Variants in RAET1G observed in about 807,000 individuals in gnomAD.
RAET1G encodes the protein UL-16 binding protein 5.
A neutral mutation model predicts 29.5 loss-of-function variants in RAET1G; 25 were observed. The observed-to-expected ratio is 0.85, with a 90% CI of 0.62 to 1.18. The LOEUF is 1.18. RAET1G is among the 50% of genes most tolerant of loss of function. The pLI, the probability that RAET1G is intolerant of heterozygous loss-of-function variation, is 0.00. For missense variants in RAET1G, 434 were observed against 423.6 expected, an observed-to-expected ratio of 1.02 and a Z score of -0.22; for synonymous variants, 167 against 159.5, an observed-to-expected ratio of 1.05 and a Z score of -0.36.
chr6:149,917,398 C>T (rs575446594), intron 4 of RAET1G, among the ~76,000 whole-genome samples: 2 of 152,194 alleles, frequency 1.3e-5, no homozygotes, highest in East Asian at 1.9e-4. Context: ...CAGGCACTGG[C>T]GCTACTGCTA....
Position 149,920,639 on chromosome 6 carries a change from A to C in RAET1G, c.86-823T>G, listed in dbSNP as rs1157716366. ...GATGCTCTTCCTGAAATGGGCTCCC[A>C]GTAGTAATGGGATGAAAAATCCCGA... On this transcript the variant is annotated intron_variant, in intron 1 of 4. Transcript: ENST00000367360. Among the ~76,000 whole-genome samples, 5 of 152,348 alleles carry C rather than the reference A, an allele frequency of 3.3e-5. No individual in the cohort carries two copies. The South Asian group carries it at 1.0e-3, about 32-fold the overall frequency.
Position 149,919,034 on chromosome 6 carries a change from T to C in RAET1G, c.631+9A>G. The C allele has an allele frequency of 1.2e-6, 2 of 1,612,990 alleles. No individual in the cohort carries two copies. Among genetic ancestry groups the C allele is most frequent in the Non-Finnish European group, 1.7e-6 (2 of 1,179,488 alleles). ...CATTGGAGATCCCCATTTCTTTTTC[T>C]CCTGTTACCTCCTGCACTTGGCTCC... On this transcript the variant is annotated intron_variant, in intron 3 of 4. Coordinates refer to ENST00000367360, the MANE Select transcript of RAET1G (RefSeq NM_001001788.4).
At chr6:149,920,971 G>A (rs958002075) in intron 1 of RAET1G, among the ~76,000 whole-genome samples, 19 of 152,332 alleles carry the variant, frequency 1.2e-4, no homozygotes, top group African/African-American at 4.3e-4. Flanking sequence ...TTCTCAGACC[G>A]TGAACCCATG....
intron 1 of RAET1G, among the ~76,000 whole-genome samples, chr6:149,920,083 G>C (rs1254148330): frequency 6.6e-6 from 1 of 152,194 alleles, no homozygotes; most frequent in East Asian, 1.9e-4. Flanking sequence ...GGTCAACACA[G>C]GACCTTGCTA....
At position 149,921,808 on chromosome 6, in the gene RAET1G, C is replaced by T. The variant is rs1282665553; in HGVS notation, c.85+1118G>A. On this transcript the variant is annotated intron_variant, in intron 1 of 4. Coordinates refer to ENST00000367360, the MANE Select transcript of RAET1G (RefSeq NM_001001788.4). ...TCTACTCTCCAACTGACACCTGAGACACCACTTGGAGATGACACCATAGGG... is the reference window on the plus strand; with the variant it reads ...TCTACTCTCCAACTGACACCTGAGATACCACTTGGAGATGACACCATAGGG... Among the ~76,000 whole-genome samples, 3 of 152,174 alleles carry T rather than the reference C, an allele frequency of 2.0e-5. No individual in the cohort carries two copies. The East Asian group carries it at 5.8e-4, about 29-fold the overall frequency.
chr6:149,923,111 T>G lies in RAET1G; in HGVS notation c.-101A>C. ...AATGCAGCCCGTCTGAATGCAGCCCTAAACTCCAGTAAGCCCTAAACTCTA... is the reference window on the plus strand; with the variant it reads ...AATGCAGCCCGTCTGAATGCAGCCCGAAACTCCAGTAAGCCCTAAACTCTA... On this transcript the variant is annotated 5_prime_UTR_variant, in exon 1 of 5. Coordinates refer to ENST00000367360, the MANE Select transcript of RAET1G (RefSeq NM_001001788.4). 4.0e-6 allele frequency: 3 copies of G among 754,458 alleles called. No homozygotes were observed. In the South Asian group the frequency reaches 5.2e-5, roughly 13 times the overall value. The allele number at this position is 754,458 out of a possible 1,614,324, so 46.7% of individuals were successfully genotyped here. A position where few individuals can be genotyped will look rare whatever the true frequency, so the allele number is the denominator to read the frequency against.
At chr6:149,917,932 C>T (rs1270681750) in intron 4 of RAET1G, among the ~76,000 whole-genome samples, 2 of 152,216 alleles carry the variant, frequency 1.3e-5, no homozygotes, top group Non-Finnish European at 2.9e-5. Context: ...CTCAACAGAC[C>T]CTGAGCCTTG....
chr6:149,918,837 G>T (rs1778518855), intron 3 of RAET1G: 7 of 748,724 alleles, frequency 9.3e-6, no homozygotes, highest in Non-Finnish European at 1.5e-5. Context: ...AGCAAGTGCA[G>T]TGAGGAAGAG....
chr6:149,919,310 G>A lies in RAET1G; in HGVS notation c.364C>T (p.Gln122Ter). The A allele has an allele frequency of 6.2e-7, 1 of 1,613,876 alleles. No individual in the cohort carries two copies. The highest frequency in any genetic ancestry group is 2.2e-5 in the East Asian group (1 of 44,870). Reference protein sequence around the residue: ...NYIPKEPLTLQARMSCEQKAE... With the variant: ...NYIPKEPLTL ...TTCTGCTCACAAGACATCCTGGCCT[G>A]CAGGGTGAGGGGTTCTGCCCCCATC... Residue 122 changes from glutamine (Q) to a stop codon, truncating the protein, a stop_gained, in exon 3 of 5, where the codon CAG becomes TAG. Transcript: ENST00000367360. LOFTEE classifies it high-confidence loss of function.
At chr6:149,918,532 T>A in intron 3 of RAET1G, 148 bp from the exon 4 acceptor site, 1 of 960,416 alleles carries the variant, frequency 1.0e-6, no homozygotes, top group Non-Finnish European at 1.6e-6. Flanking sequence ...GTTCCTGGGG[T>A]AGGAAGGGAG....
At position 149,918,363 on chromosome 6, in the gene RAET1G, C is replaced by T; in HGVS notation, c.653G>A (p.Gly218Asp). 1 of 1,614,058 alleles carries T rather than the reference C, an allele frequency of 6.2e-7. No individual in the cohort carries two copies. Among genetic ancestry groups the T allele is most frequent in the Non-Finnish European group, 8.5e-7 (1 of 1,179,984 alleles). The part of the protein sequence containing the change: ...SAGAPPTMSS[G>D]TAQPRATATT... ...GGCCGTGGCCCTGGGTTGGGCTGTG[C>T]CTGAGGACATGGTGGGTGGTGCTGA... Residue 218 changes from glycine (G) to aspartate (D), a missense_variant, in exon 4 of 5, where the codon GGC becomes GAC. Coordinates refer to ENST00000367360, the MANE Select transcript of RAET1G (RefSeq NM_001001788.4).
chr6:149,920,322 CTA>C (rs1778570356), intron 1 of RAET1G, among the ~76,000 whole-genome samples: 1 of 152,182 alleles, frequency 6.6e-6, no homozygotes, highest in Non-Finnish European at 1.5e-5. Flanking sequence ...TGCTCATCTA[CTA>C]TGAGGATGCC....
chr6:149,918,687 G>A (rs1778513790), intron 3 of RAET1G: 1 of 589,582 alleles, frequency 1.7e-6, no homozygotes, highest in Non-Finnish European at 3.0e-6. Context: ...CCTTGGAGGA[G>A]GTTTTGATGG....
intron 2 of RAET1G, 90 bp from the exon 3 acceptor site, chr6:149,919,414 C>T: frequency 6.3e-7 from 1 of 1,599,274 alleles, no homozygotes; most frequent in Non-Finnish European, 8.5e-7. Context: ...CTTACTTGCT[C>T]TGCCACATCC....
At chr6:149,917,197 A>G in intron 4 of RAET1G, 123 bp from the exon 5 acceptor site, 4 of 1,323,644 alleles carry the variant, frequency 3.0e-6, no homozygotes, top group Middle Eastern at 2.8e-4. Flanking sequence ...ACAGGGCGGA[A>G]CATGAAAGTG....
At chr6:149,922,901 G>T in intron 1 of RAET1G, 25 bp downstream of exon 1, 1 of 1,553,950 alleles carries the variant, frequency 6.4e-7, no homozygotes, top group Non-Finnish European at 8.7e-7. Flanking sequence ...CCTCCGCCCC[G>T]CTTAGGCTCC....
rs184094400 is a variant in RAET1G, at chr6:149,918,694, A to G, written c.632-310T>C. On this transcript the variant is annotated intron_variant, in intron 3 of 4. Coordinates refer to ENST00000367360, the MANE Select transcript of RAET1G (RefSeq NM_001001788.4). ...GAGGCTGGCCTTGGAGGAGGTTTTG[A>G]TGGATTTCCAGAAACAGACCAGAGG... is the stretch of plus-strand genomic sequence containing the variant. 394 of 591,144 alleles carry G rather than the reference A, an allele frequency of 6.7e-4. 1 individual carries two copies. The highest frequency in any genetic ancestry group is 1.3e-4 in the Non-Finnish European group (42 of 334,620). 36.6% of individuals were successfully genotyped at this position (591,144 alleles called of 1,614,324 possible).
At position 149,919,682 on chromosome 6, in the gene RAET1G, C is replaced by T. The variant is rs150738202; in HGVS notation, c.220G>A (p.Val74Ile). 7.0e-4 allele frequency: 1,132 copies of T among 1,613,630 alleles called. 4 individuals are homozygous for T. In the African/African-American group the frequency reaches 0.013, roughly 18 times the overall value. The change falls in exon 2 of 5, where the codon GTC becomes ATC. Residue 74 changes from valine (V) to isoleucine (I), a missense_variant. By Grantham distance (29) the Val-to-Ile change is conservative. Transcript: ENST00000367360. ...YDCGSKTVTPVSPLGKKLNVT... is the reference protein window; with the variant it reads ...YDCGSKTVTPISPLGKKLNVT... ...TTTAGTTTCTTCCCCAGGGGACTGA[C>T]GGGTGTGACTGTCTTGCTGCCACAG...
intron 4 of RAET1G, among the ~76,000 whole-genome samples, chr6:149,917,852 G>A (rs1291154617): frequency 6.6e-6 from 1 of 152,104 alleles, no homozygotes; most frequent in African/African-American, 2.4e-5. Flanking sequence ...CCTGCTGCCT[G>A]CAGGCCACAC....
Sources: gnomAD v4.1 joint callset for allele counts (sites outside exome capture counted in the v4.1 genomes callset) on GRCh38, gnomAD v4.1.1 for gene constraint, MANE v1.5 for transcripts, NCBI Gene and HGNC (gene_info 2026-07-23, HGNC 2026-07-21) for gene names.